Variants in ZNF536 observed in about 807,000 individuals in gnomAD.
ZNF536 encodes zinc finger protein 536.
A neutral mutation model predicts 84.5 loss-of-function variants in ZNF536; 13 were observed. That is an observed-to-expected ratio of 0.15 (90% CI 0.10 to 0.24). ZNF536 has a LOEUF of 0.24. ZNF536 is among the 10% of genes least tolerant of loss of function. The pLI, the probability that ZNF536 is intolerant of heterozygous loss-of-function variation, is 1.00. For missense variants in ZNF536, 1,536 were observed against 1,747.5 expected (o/e 0.88, Z 2.16); for synonymous variants, 811 against 742.5 (o/e 1.09, Z -1.50).
chr19:30,330,960 A>G (rs1296664318), intron 2 of ZNF536, among the ~76,000 whole-genome samples: 1 of 152,134 alleles, frequency 6.6e-6, no homozygotes, highest in Non-Finnish European at 1.5e-5. Flanking sequence ...CACTTCCAGC[A>G]ATGGACTGGG....
chr19:30,293,139 G>C (rs10405851), intron 2 of ZNF536, among the ~76,000 whole-genome samples: 9,531 of 152,078 alleles, frequency 0.063, 724 homozygotes, highest in Admixed American at 0.16. Flanking sequence ...TCTCCCAGAG[G>C]CTGTCTTGGG....
chr19:30,674,336 G>A (rs890691353), intron 1 of ZNF536, among the ~76,000 whole-genome samples: 5 of 152,238 alleles, frequency 3.3e-5, no homozygotes, highest in African/African-American at 1.2e-4. Context: ...GGGATGGAGA[G>A]GGAGTGGTTG....
chr19:30,272,938 G>C (rs979790144), intron 1 of ZNF536, among the ~76,000 whole-genome samples: 2 of 151,952 alleles, frequency 1.3e-5, no homozygotes, highest in African/African-American at 4.8e-5. Flanking sequence ...TAAGAGACAG[G>C]GTCTTGCTTT....
intron 1 of ZNF536, among the ~76,000 whole-genome samples, chr19:30,701,191 T>TCACACA (rs56314262): frequency 5.3e-5 from 8 of 150,000 alleles, no homozygotes; most frequent in East Asian, 2.0e-4. Flanking sequence ...TATCTCACTC[T>TCACACA]CACACACACA....
intron 1 of ZNF536, among the ~76,000 whole-genome samples, chr19:30,260,659 G>C (rs1251958875): frequency 6.6e-6 from 1 of 152,240 alleles, no homozygotes; most frequent in East Asian, 1.9e-4. Flanking sequence ...CCTTCTCTAG[G>C]TTGGGAAGTG....
At chr19:30,540,501 A>G (rs1019113767) in intron 3 of ZNF536, among the ~76,000 whole-genome samples, 2 of 152,160 alleles carry the variant, frequency 1.3e-5, no homozygotes, top group Non-Finnish European at 2.9e-5. Context: ...GCTCTGTGCT[A>G]GACACTTTGC....
intron 1 of ZNF536, among the ~76,000 whole-genome samples, chr19:30,564,213 T>TC (rs1306623214): frequency 6.6e-6 from 1 of 152,058 alleles, no homozygotes; most frequent in Non-Finnish European, 1.5e-5. Context: ...CACATGCCTG[T>TC]GCTCCCAGCT....
At chr19:30,633,646 G>A (rs2048966849) in intron 1 of ZNF536, among the ~76,000 whole-genome samples, 2 of 152,088 alleles carry the variant, frequency 1.3e-5, no homozygotes, top group Admixed American at 1.3e-4. Context: ...TCTGTGTTTG[G>A]CATATATCAC....
chr19:30,382,475 C>T (rs1393708787), intron 1 of ZNF536, among the ~76,000 whole-genome samples: 1 of 152,086 alleles, frequency 6.6e-6, no homozygotes, highest in African/African-American at 2.4e-5. Context: ...TAATAAAGCA[C>T]TGTAAAGAAA....
chr19:30,245,562 A>T (rs1396884707), intron 1 of ZNF536, among the ~76,000 whole-genome samples: 1 of 152,252 alleles, frequency 6.6e-6, no homozygotes, highest in African/African-American at 2.4e-5. Flanking sequence ...CTGTCCCATG[A>T]CGCATCCTTT....
chr19:30,269,044 A>T (rs890911882), intron 1 of ZNF536, among the ~76,000 whole-genome samples: 1 of 152,240 alleles, frequency 6.6e-6, no homozygotes, highest in Non-Finnish European at 1.5e-5. Flanking sequence ...GTTACATAGC[A>T]TATGCTAAAC....
intron 3 of ZNF536, among the ~76,000 whole-genome samples, chr19:30,540,075 G>T (rs1243887475): frequency 2.0e-5 from 3 of 152,144 alleles, no homozygotes; most frequent in Admixed American, 2.0e-4. Flanking sequence ...GCCCCGAGTC[G>T]GGAACCTCTT....
intron 1 of ZNF536, among the ~76,000 whole-genome samples, chr19:30,254,052 T>C (rs1428633676): frequency 1.3e-5 from 2 of 152,198 alleles, no homozygotes; most frequent in Non-Finnish European, 2.9e-5. Flanking sequence ...GCCGTGTCAC[T>C]ATTGCTGTAT....
intron 1 of ZNF536, among the ~76,000 whole-genome samples, chr19:30,272,348 T>C (rs1298716753): frequency 6.6e-6 from 1 of 152,226 alleles, no homozygotes; most frequent in African/African-American, 2.4e-5. Context: ...TTTTAGTTGT[T>C]TCCACCTTTC....
At chr19:30,333,880 G>T (rs1202510238) in intron 2 of ZNF536, among the ~76,000 whole-genome samples, 1 of 152,150 alleles carries the variant, frequency 6.6e-6, no homozygotes, top group Non-Finnish European at 1.5e-5. Context: ...GTTGAGCCCG[G>T]AATAGTGATT....
intron 1 of ZNF536, among the ~76,000 whole-genome samples, chr19:30,599,210 C>T (rs1447203276): frequency 9.0e-6 from 1 of 110,940 alleles, no homozygotes; most frequent in Non-Finnish European, 1.9e-5. Flanking sequence ...TTCCTCCCTC[C>T]CTTCTTCCTC....
rs2045639768 is a variant in ZNF536, at chr19:30,548,425, A to G, written c.2806A>G (p.Met936Val). Residue 936 changes from methionine to valine, a missense_variant, in exon 4 of 5, where the codon ATG becomes GTG. Physicochemically the swap from Met to Val is conservative, Grantham distance 21 (BLOSUM62 1). This residue lies in a region of ZNF536 where 624 missense variants were observed against 603.1 expected (regional missense o/e 1.03). Transcript: ENST00000355537. ...CAGTTCCTTGAAGAAGGAGAAGGAC[A>G]TGAAGGACAAAGCCCTGGCTGACCC... The part of the protein sequence containing the change: ...VLSSLKKEKD[M>V]KDKALADPPS... 3.7e-6 allele frequency: 6 copies of G among 1,614,232 alleles called. No homozygotes were observed. The highest frequency in any genetic ancestry group is 2.2e-5 in the South Asian group (2 of 91,088).
At chr19:30,384,745 A>G (rs2049268563) in intron 1 of ZNF536, among the ~76,000 whole-genome samples, 1 of 152,122 alleles carries the variant, frequency 6.6e-6, no homozygotes, top group Non-Finnish European at 1.5e-5. Flanking sequence ...ATATGTGTTC[A>G]GCCAGGCATG....
intron 1 of ZNF536, among the ~76,000 whole-genome samples, chr19:30,667,798 G>T (rs1343075664): frequency 2.0e-5 from 3 of 151,944 alleles, no homozygotes; most frequent in Non-Finnish European, 4.4e-5. Context: ...CAATAGCAGA[G>T]CAGTAGTGTT....
Sources: allele counts gnomAD v4.1 joint callset (sites outside exome capture counted in the v4.1 genomes callset), GRCh38; gene constraint gnomAD v4.1.1; regional missense constraint gnomAD v4.1.1; transcripts MANE v1.5; gene names NCBI Gene and HGNC (gene_info 2026-07-23, HGNC 2026-07-21).